The following KIF6 variants were observed in gnomAD, a reference collection of about 807,000 sequenced individuals.
KIF6 encodes kinesin-like protein KIF6.
Under a neutral mutation model 112.7 loss-of-function variants are expected in KIF6, and 106 were observed. That is an observed-to-expected ratio of 0.94 (90% CI 0.80 to 1.11). The LOEUF is 1.11. Ranked by LOEUF, KIF6 falls within the 50% of genes least tolerant of loss-of-function variation. The pLI, the probability that KIF6 is intolerant of heterozygous loss-of-function variation, is 0.00. For synonymous variants in KIF6, 339 were observed against 339.9 expected (o/e 1.00, Z 0.03); for missense variants, 929 against 964.0 (o/e 0.96, Z 0.48).
At chr6:39,637,054 AT>A (rs931054615) in intron 4 of KIF6, among the ~76,000 whole-genome samples, 4 of 152,036 alleles carry the variant, frequency 2.6e-5, no homozygotes, top group Non-Finnish European at 5.9e-5. Context: ...TGCTGTAGTT[AT>A]TGTTTTTATT....
At chr6:39,523,680 ATATATATAT>A (rs1461897293) in intron 13 of KIF6, among the ~76,000 whole-genome samples, 4 of 113,262 alleles carry the variant, frequency 3.5e-5, no homozygotes, top group Non-Finnish European at 5.2e-5. Flanking sequence ...ATATATATAT[ATATATATAT>A]ATATATATGA....
At chr6:39,472,201 C>T (rs1774155623) in intron 13 of KIF6, among the ~76,000 whole-genome samples, 1 of 152,202 alleles carries the variant, frequency 6.6e-6, no homozygotes, top group South Asian at 2.1e-4. Flanking sequence ...CTTCCAAGCT[C>T]ACCTACCACC....
intron 10 of KIF6, among the ~76,000 whole-genome samples, chr6:39,549,753 G>A (rs983649976): frequency 7.9e-5 from 12 of 152,164 alleles, no homozygotes; most frequent in African/African-American, 2.9e-4. Flanking sequence ...AGAATGTGCT[G>A]TATTTGAAGA....
chr6:39,390,017 T>C (rs554125674), intron 15 of KIF6, among the ~76,000 whole-genome samples: 1 of 120,454 alleles, frequency 8.3e-6, no homozygotes, highest in South Asian at 2.4e-4. Context: ...GGCAACAGAA[T>C]GAGACTCTGT....
intron 5 of KIF6, among the ~76,000 whole-genome samples, chr6:39,616,782 T>A (rs1009220510): frequency 5.3e-5 from 8 of 152,208 alleles, no homozygotes; most frequent in African/African-American, 1.9e-4. Context: ...GGGCACTACG[T>A]CTATTGCCTG....
intron 16 of KIF6, 112 bp downstream of exon 16, chr6:39,385,510 T>C (rs1767337713): frequency 2.3e-6 from 2 of 870,378 alleles, no homozygotes; most frequent in Middle Eastern, 5.5e-4. Context: ...TTGCCATCCT[T>C]AACCTCAGAG....
chr6:39,519,202 C>T (rs1397420462), intron 13 of KIF6, among the ~76,000 whole-genome samples: 1 of 152,022 alleles, frequency 6.6e-6, no homozygotes, highest in Non-Finnish European at 1.5e-5. Context: ...AAACTAAGTG[C>T]AGAGTATTCC....
intron 5 of KIF6, 90 bp from the exon 6 acceptor site, chr6:39,613,408 T>C: frequency 9.0e-6 from 9 of 998,488 alleles, no homozygotes; most frequent in Non-Finnish European, 1.3e-5. Flanking sequence ...AGCTGTATAG[T>C]ATGACGTCTT....
At chr6:39,415,439 T>C (rs887675374) in intron 15 of KIF6, among the ~76,000 whole-genome samples, 1 of 151,438 alleles carries the variant, frequency 6.6e-6, no homozygotes, top group Non-Finnish European at 1.5e-5. Context: ...GTGTGTCTCC[T>C]CCCTGTGAGG....
chr6:39,563,212 G>C (rs1285207262), intron 10 of KIF6, among the ~76,000 whole-genome samples: 1 of 152,150 alleles, frequency 6.6e-6, no homozygotes, highest in Non-Finnish European at 1.5e-5. Flanking sequence ...CTCCAGCCTG[G>C]GTGATAGAGT....
intron 10 of KIF6, among the ~76,000 whole-genome samples, chr6:39,564,018 A>G (rs1243629203): frequency 6.6e-6 from 1 of 152,234 alleles, no homozygotes; most frequent in Non-Finnish European, 1.5e-5. Context: ...AGTGGCACGC[A>G]GGAAAAAGAG....
intron 6 of KIF6, among the ~76,000 whole-genome samples, chr6:39,605,511 T>C (rs1012869757): frequency 6.6e-6 from 1 of 152,068 alleles, no homozygotes; most frequent in Non-Finnish European, 1.5e-5. Context: ...CCTTTTACTA[T>C]CCTGTGTATA....
intron 15 of KIF6, among the ~76,000 whole-genome samples, chr6:39,411,758 G>A (rs746123609): frequency 2.0e-5 from 3 of 152,178 alleles, no homozygotes; most frequent in Non-Finnish European, 2.9e-5. Flanking sequence ...TGTGACCATG[G>A]GAACCTATCT....
At chr6:39,723,622 T>C (rs747529487) in intron 1 of KIF6, among the ~76,000 whole-genome samples, 9 of 152,154 alleles carry the variant, frequency 5.9e-5, no homozygotes, top group Non-Finnish European at 1.0e-4. Flanking sequence ...GAAACCATCA[T>C]TCTCAGCAAA....
chr6:39,652,151 A>G (rs1284505565), intron 3 of KIF6, among the ~76,000 whole-genome samples: 2 of 152,214 alleles, frequency 1.3e-5, no homozygotes, highest in Non-Finnish European at 2.9e-5. Context: ...CGTGAGACAC[A>G]TATCCTACTA....
chr6:39,501,542 A>C (rs1259239130), intron 13 of KIF6, among the ~76,000 whole-genome samples: 1 of 152,212 alleles, frequency 6.6e-6, no homozygotes, highest in Admixed American at 6.5e-5. Context: ...TGAGTTAAAG[A>C]AGCATGTTGT....
intron 15 of KIF6, among the ~76,000 whole-genome samples, chr6:39,402,348 G>A (rs776460839): frequency 6.6e-6 from 1 of 152,136 alleles, no homozygotes; most frequent in Non-Finnish European, 1.5e-5. Context: ...CTGGGTCTAT[G>A]GGCCTGTTTA....
chr6:39,353,329 G>A (rs911034600), intron 19 of KIF6, among the ~76,000 whole-genome samples: 2 of 152,216 alleles, frequency 1.3e-5, no homozygotes, highest in African/African-American at 2.4e-5. Flanking sequence ...GACACAGGAT[G>A]TTGTGTACCT....
chr6:39,409,729 C>T (rs1171030897), intron 15 of KIF6, among the ~76,000 whole-genome samples: 2 of 152,134 alleles, frequency 1.3e-5, no homozygotes, highest in South Asian at 2.1e-4. Flanking sequence ...AGTGGAATGG[C>T]GGCTGCGAGG....
Sources: gnomAD v4.1 joint callset for allele counts (sites outside exome capture counted in the v4.1 genomes callset) on GRCh38, gnomAD v4.1.1 for gene constraint, MANE v1.5 for transcripts, NCBI Gene and HGNC (gene_info 2026-07-23, HGNC 2026-07-21) for gene names.